Variants in QRFPR observed in about 807,000 individuals in gnomAD.
QRFPR encodes pyroglutamylated RFamide peptide receptor, also known as pyroglutamylated RF-amide peptide receptor.
QRFPR carries 37 observed loss-of-function variants against 31.3 expected under a neutral mutation model. The ratio of observed to expected loss-of-function variants is 1.18; its 90% CI spans 0.91 to 1.56. The LOEUF (loss-of-function observed/expected upper bound fraction) is 1.56. Among genes scored for constraint, QRFPR ranks in the 40% most tolerant of loss-of-function variants. The pLI, the probability that QRFPR is intolerant of heterozygous loss-of-function variation, is 0.00. For missense variants in QRFPR, 542 were observed against 532.5 expected (o/e 1.02, Z -0.18); for synonymous variants, 197 against 192.0 (o/e 1.03, Z -0.22).
intron 1 of QRFPR, among the ~76,000 whole-genome samples, chr4:121,352,442 T>C (rs539509856): frequency 2.6e-5 from 4 of 152,088 alleles, no homozygotes; most frequent in African/African-American, 7.2e-5. Context: ...AAACGAAGTA[T>C]GTACTTTCTC....
At position 121,371,719 on chromosome 4, in the gene QRFPR, C is replaced by A. The variant is rs572545780; in HGVS notation, c.340+8589G>T. 5.9e-5 allele frequency among the ~76,000 whole-genome samples: 9 copies of A among 152,274 alleles called. No individual in the cohort carries two copies. The East Asian group carries it at 1.4e-3, about 23-fold the overall frequency. Reference sequence around the variant, plus strand: ...GACTCACTCCACTAGACATAAATGGCCAACTCTGCTAAACATATCTACCCT... The same window carrying A: ...GACTCACTCCACTAGACATAAATGGACAACTCTGCTAAACATATCTACCCT... On this transcript the variant is annotated intron_variant, in intron 1 of 5. Transcript: ENST00000394427.
intron 1 of QRFPR, among the ~76,000 whole-genome samples, chr4:121,353,687 C>T (rs1247142884): frequency 6.6e-6 from 1 of 152,044 alleles, no homozygotes; most frequent in Non-Finnish European, 1.5e-5. Context: ...TTGACCGTTT[C>T]CTTTGCTGTG....
At chr4:121,380,153 A>G (rs1401903631) in intron 1 of QRFPR, among the ~76,000 whole-genome samples, 155 bp downstream of exon 1, 1 of 147,784 alleles carries the variant, frequency 6.8e-6, no homozygotes, top group Non-Finnish European at 1.5e-5. Context: ...TGTAAGGAAG[A>G]GACAGACGAG....
In QRFPR at chr4:121,350,280, G is replaced by T. The variant is rs1725738237; in HGVS notation, c.341-9670C>A. Among the ~76,000 whole-genome samples the T allele has an allele frequency of 2.0e-5, 3 of 152,112 alleles. No individual in the cohort carries two copies. In the South Asian group the frequency reaches 6.2e-4, roughly 32 times the overall value. On this transcript the variant is annotated intron_variant, in intron 1 of 5. Coordinates refer to ENST00000394427, the MANE Select transcript of QRFPR (RefSeq NM_198179.3). Reference sequence around the variant, plus strand: ...TAGAATTTTTGGCACAGTGTTAGAAGAGTCAGGCACTCACAGTCCACCAAG... The same window carrying T: ...TAGAATTTTTGGCACAGTGTTAGAATAGTCAGGCACTCACAGTCCACCAAG...
At chr4:121,346,908 A>T (rs2110472878) in intron 1 of QRFPR, among the ~76,000 whole-genome samples, 1 of 152,232 alleles carries the variant, frequency 6.6e-6, no homozygotes, top group South Asian at 2.1e-4. Context: ...CTTTTTATAC[A>T]TTGTTGGATT....
intron 1 of QRFPR, among the ~76,000 whole-genome samples, chr4:121,341,406 C>T (rs998252762): frequency 6.6e-6 from 1 of 152,144 alleles, no homozygotes; most frequent in African/African-American, 2.4e-5. Context: ...CAGAGGTTAT[C>T]TAGTTCTAGT....
rs776872651 is a variant in QRFPR, at chr4:121,329,323, A to G, written c.1287T>C (p.Ser429=). ...GAAGATATTGTTATAATTAATGCCC[A>G]CTGTCTAAAGGAGAATTCTCAGCCA... ...SELAENSPLD[S]GH The change falls in exon 6 of 6, where the codon AGT becomes AGC. Residue 429 remains serine (S), a synonymous_variant. Transcript: ENST00000394427. The G allele has an allele frequency of 6.2e-7, 1 of 1,601,004 alleles. No homozygotes were observed. The highest frequency in any genetic ancestry group is 1.7e-5 in the Admixed American group (1 of 57,998).
At chr4:121,335,702 G>A (rs1258669797) in intron 3 of QRFPR, among the ~76,000 whole-genome samples, 3 of 152,054 alleles carry the variant, frequency 2.0e-5, no homozygotes, top group Non-Finnish European at 4.4e-5. Flanking sequence ...TCACACTGAG[G>A]GAAGGGAAAA....
intron 1 of QRFPR, among the ~76,000 whole-genome samples, chr4:121,343,836 CCTGAATATATT>C (rs1240978861): frequency 6.6e-6 from 1 of 152,118 alleles, no homozygotes; most frequent in Non-Finnish European, 1.5e-5. Flanking sequence ...TGTTATCCAT[CCTGAATATATT>C]CAGTTTGTGT....
At chr4:121,360,205 T>A (rs554903908) in intron 1 of QRFPR, among the ~76,000 whole-genome samples, 108 of 152,334 alleles carry the variant, frequency 7.1e-4, no homozygotes, top group Non-Finnish European at 1.4e-3. Context: ...GTGATTCTGC[T>A]CTGTCACCAC....
chr4:121,363,735 A>T (rs1360218512), intron 1 of QRFPR, among the ~76,000 whole-genome samples: 1 of 150,330 alleles, frequency 6.7e-6, no homozygotes, highest in African/African-American at 2.5e-5. Context: ...GCTAAAATTT[A>T]TTAATGTATG....
At chr4:121,370,041 G>T (rs1370807827) in intron 1 of QRFPR, 4 of 772,636 alleles carry the variant, frequency 5.2e-6, no homozygotes, top group Admixed American at 5.1e-5. Context: ...TGACGACATG[G>T]GTAGCTTTAG....
At chr4:121,369,304 C>T in intron 1 of QRFPR, 1 of 466,306 alleles carries the variant, frequency 2.1e-6, no homozygotes, top group Non-Finnish European at 3.8e-6. Flanking sequence ...GTTGGGATTA[C>T]AGGCGTGAGC....
At chr4:121,330,574 G>T (rs752020318) in intron 4 of QRFPR, 51 bp from the exon 5 acceptor site, 1 of 1,364,248 alleles carries the variant, frequency 7.3e-7, no homozygotes, top group Admixed American at 1.7e-5. Context: ...TGGCAAATGT[G>T]CCAGCTTGAT....
intron 1 of QRFPR, among the ~76,000 whole-genome samples, chr4:121,368,299 A>G (rs1029361975): frequency 3.3e-5 from 5 of 150,220 alleles, no homozygotes; most frequent in Admixed American, 6.6e-5. Flanking sequence ...CCTCAAGACT[A>G]TAATCTAACT....
intron 1 of QRFPR, among the ~76,000 whole-genome samples, chr4:121,376,601 A>G (rs1190513650): frequency 6.7e-6 from 1 of 150,268 alleles, no homozygotes; most frequent in Non-Finnish European, 1.5e-5. Flanking sequence ...GCTGATTTCC[A>G]TGATGTGAAT....
intron 2 of QRFPR, among the ~76,000 whole-genome samples, chr4:121,339,496 G>A (rs1240090212): frequency 1.3e-5 from 2 of 152,170 alleles, no homozygotes; most frequent in Admixed American, 6.5e-5. Context: ...TATGAAGTGG[G>A]TGGAATGTGC....
intron 1 of QRFPR, among the ~76,000 whole-genome samples, chr4:121,374,145 C>A (rs1268373358): frequency 1.3e-5 from 2 of 152,110 alleles, no homozygotes; most frequent in African/African-American, 4.8e-5. Context: ...ATCTTTTCAC[C>A]ATTTTTGAAT....
chr4:121,333,231 A>G (rs1290774033), intron 3 of QRFPR, among the ~76,000 whole-genome samples, 175 bp from the exon 4 acceptor site: 1 of 152,154 alleles, frequency 6.6e-6, no homozygotes, highest in East Asian at 1.9e-4. Flanking sequence ...TAGTTTTTCC[A>G]CTTCACTGCT....
Sources: allele counts gnomAD v4.1 joint callset (sites outside exome capture counted in the v4.1 genomes callset), GRCh38; gene constraint gnomAD v4.1.1; transcripts MANE v1.5; gene names NCBI Gene and HGNC (gene_info 2026-07-23, HGNC 2026-07-21).